CACNA1E: variants seen among roughly 807,000 people sequenced by gnomAD.
CACNA1E encodes the protein calcium voltage-gated channel subunit alpha1 E, also known as voltage-dependent R-type calcium channel subunit alpha-1E.
Under a neutral mutation model 259.2 loss-of-function variants are expected in CACNA1E, and 40 were observed. That is an observed-to-expected ratio of 0.15 (90% confidence interval 0.12 to 0.20). The LOEUF is 0.20. CACNA1E is among the 10% of genes least tolerant of loss of function. The pLI is 1.00. For synonymous variants in CACNA1E, 1,104 were observed against 1,138.5 expected (o/e 0.97, Z 0.61); for missense variants, 1,874 against 3,040.1 (o/e 0.62, Z 9.02).
Position 181,733,731 on chromosome 1 carries a change from G to A in CACNA1E, c.3243G>A (p.Val1081=), listed in dbSNP as rs368685257. 298 of 1,567,062 alleles carry A rather than the reference G, an allele frequency of 1.9e-4. No individual in the cohort carries two copies. Among genetic ancestry groups the A allele is most frequent in the Non-Finnish European group, 2.4e-4 (282 of 1,156,080 alleles). Residue 1081 remains valine, a synonymous_variant, in exon 21 of 48, where the codon GTG becomes GTA. Coordinates refer to ENST00000367573, the MANE Select transcript of CACNA1E (RefSeq NM_001205293.3). The part of the protein sequence containing the change: ...TVAIPDVDPL[V]DSTVVHISNK... ...CCATCCCCGACGTGGACCCCTTGGTGGACTCAACCGTGGTGCACAGTGAGA... is the reference window on the plus strand; with the variant it reads ...CCATCCCCGACGTGGACCCCTTGGTAGACTCAACCGTGGTGCACAGTGAGA...
At chr1:181,448,646 G>A (rs1660950492) in intron 2 of CACNA1E, among the ~76,000 whole-genome samples, 2 of 152,236 alleles carry the variant, frequency 1.3e-5, no homozygotes, top group East Asian at 3.8e-4. Flanking sequence ...CAGACCAATT[G>A]TATATTACCA....
At chr1:181,711,094 CT>C in intron 8 of CACNA1E, 25 bp downstream of exon 8, 1 of 1,501,086 alleles carries the variant, frequency 6.7e-7, no homozygotes, top group South Asian at 1.1e-5. Flanking sequence ...CTGCAGGAGG[CT>C]GGTGAGTGGG....
intron 1 of CACNA1E, among the ~76,000 whole-genome samples, chr1:181,343,334 A>C (rs1175725164): frequency 1.3e-5 from 2 of 152,044 alleles, no homozygotes; most frequent in Non-Finnish European, 2.9e-5. Flanking sequence ...TTTGGGTCAT[A>C]AGGATCGATT....
At chr1:181,571,514 A>G (rs1374301743) in intron 3 of CACNA1E, among the ~76,000 whole-genome samples, 2 of 152,236 alleles carry the variant, frequency 1.3e-5, no homozygotes, top group Non-Finnish European at 2.9e-5. Context: ...AAAGGAACCA[A>G]CCACGTATGG....
chr1:181,752,391 C>G (rs1010667388), intron 27 of CACNA1E, among the ~76,000 whole-genome samples, 152 bp downstream of exon 27: 1 of 152,210 alleles, frequency 6.6e-6, no homozygotes. Flanking sequence ...AGCTAAAGGT[C>G]TTAGTTTCAA....
intron 1 of CACNA1E, among the ~76,000 whole-genome samples, chr1:181,357,582 T>C (rs1358562842): frequency 1.3e-5 from 2 of 152,180 alleles, no homozygotes; most frequent in African/African-American, 2.4e-5. Flanking sequence ...GGTTAGTTGA[T>C]GATGAAAAGT....
chr1:181,584,890 A>T (rs905129312), intron 6 of CACNA1E, among the ~76,000 whole-genome samples: 2 of 152,204 alleles, frequency 1.3e-5, no homozygotes, highest in Non-Finnish European at 2.9e-5. Flanking sequence ...CTGACCTAGG[A>T]TCAGGTGTAT....
chr1:181,355,630 A>C (rs185753894), intron 1 of CACNA1E, among the ~76,000 whole-genome samples: 294 of 128,496 alleles, frequency 2.3e-3, no homozygotes, highest in African/African-American at 7.1e-3. Context: ...ACAAAACAAA[A>C]CAAACCAGAC....
intron 1 of CACNA1E, among the ~76,000 whole-genome samples, chr1:181,365,225 T>G (rs1654180582): frequency 6.6e-6 from 1 of 152,232 alleles, no homozygotes. Context: ...GGGAGTGCAG[T>G]GACGCGATCA....
chr1:181,578,919 T>C (rs1651244438), intron 4 of CACNA1E, among the ~76,000 whole-genome samples, 153 bp from the exon 5 acceptor site: 1 of 152,214 alleles, frequency 6.6e-6, no homozygotes, highest in African/African-American at 2.4e-5. Context: ...CTGGGCCTAA[T>C]TTCCTTTAGG....
chr1:181,378,171 T>G (rs1315364701), intron 1 of CACNA1E, among the ~76,000 whole-genome samples: 2 of 152,240 alleles, frequency 1.3e-5, no homozygotes, highest in Non-Finnish European at 2.9e-5. Flanking sequence ...TTCAATTTTC[T>G]TATTTGTGAT....
At chr1:181,383,027 C>T (rs1370702148) in intron 1 of CACNA1E, among the ~76,000 whole-genome samples, 1 of 152,176 alleles carries the variant, frequency 6.6e-6, no homozygotes, top group Non-Finnish European at 1.5e-5. Context: ...CTGGGGACCT[C>T]CTCCCCACAT....
intron 6 of CACNA1E, among the ~76,000 whole-genome samples, chr1:181,593,821 GCTA>G (rs2103033909): frequency 6.6e-6 from 1 of 152,314 alleles, no homozygotes; most frequent in Admixed American, 6.5e-5. Context: ...ACAGGTGTGA[GCTA>G]CCATGCCTGG....
intron 1 of CACNA1E, among the ~76,000 whole-genome samples, chr1:181,331,406 G>A (rs893599195): frequency 5.9e-4 from 89 of 152,120 alleles, no homozygotes; most frequent in African/African-American, 2.1e-3. Flanking sequence ...GACGGTGGCT[G>A]GTATAAGTCC....
chr1:181,434,848 C>T (rs906295813), intron 2 of CACNA1E, among the ~76,000 whole-genome samples: 25 of 152,254 alleles, frequency 1.6e-4, no homozygotes, highest in African/African-American at 5.1e-4. Context: ...TTCCGTGCAG[C>T]GGAGGGATGC....
At chr1:181,668,489 T>G (rs530125960) in intron 7 of CACNA1E, among the ~76,000 whole-genome samples, 1 of 152,276 alleles carries the variant, frequency 6.6e-6, no homozygotes, top group East Asian at 1.9e-4. Context: ...TAAATTTTCC[T>G]TTCTCTGGGA....
intron 6 of CACNA1E, among the ~76,000 whole-genome samples, chr1:181,632,412 G>A (rs1273691453): frequency 6.6e-6 from 1 of 152,206 alleles, no homozygotes; most frequent in African/African-American, 2.4e-5. Context: ...TGGGGTGGGA[G>A]CAGGTGTTGA....
intron 2 of CACNA1E, among the ~76,000 whole-genome samples, chr1:181,457,712 G>C (rs1269505259): frequency 2.0e-5 from 3 of 152,246 alleles, no homozygotes; most frequent in African/African-American, 7.2e-5. Context: ...CTCAGCCCAA[G>C]TGCTTACCTG....
rs114458783 is a variant in CACNA1E at position 181,776,049 on chromosome 1, T to C, written c.5140-52T>C. On this transcript the variant is annotated intron_variant, in intron 37 of 47. Transcript: ENST00000367573. The surrounding 1 kb of genome is among the most constrained non-coding windows in gnomAD (Gnocchi z 4.4). ...CCCTGAAGCCTGTTCTTCTGCTTCCTGAGCTCTGCTTTAGGTTTCCCCTAA... is the reference window on the plus strand; with the variant it reads ...CCCTGAAGCCTGTTCTTCTGCTTCCCGAGCTCTGCTTTAGGTTTCCCCTAA... 644 of 1,557,476 alleles carry C rather than the reference T, an allele frequency of 4.1e-4. No homozygotes were observed. In the African/African-American group the frequency reaches 8.1e-3, roughly 20 times the overall value.
Sources: allele counts gnomAD v4.1 joint callset (sites outside exome capture counted in the v4.1 genomes callset), GRCh38; gene constraint gnomAD v4.1.1; non-coding constraint Gnocchi (gnomAD v3.1); transcripts MANE v1.5; gene names NCBI Gene and HGNC (gene_info 2026-07-23, HGNC 2026-07-21).